CELSR1: variants seen among roughly 807,000 people sequenced by gnomAD.
The protein encoded by CELSR1 is cadherin EGF LAG seven-pass G-type receptor 1, also known as adhesion G protein-coupled receptor C1.
CELSR1 carries 110 observed loss-of-function variants against 249.1 expected under a neutral mutation model. The observed-to-expected ratio is 0.44, with a 90% confidence interval of 0.38 to 0.52. CELSR1 has a LOEUF of 0.52. CELSR1 is among the 20% of genes least tolerant of loss of function. The pLI is 0.00. For synonymous variants in CELSR1, 2,113 were observed against 1,900.0 expected (o/e 1.11, Z -2.92); for missense variants, 4,109 against 4,296.4 (o/e 0.96, Z 1.22).
chr22:46,462,022 C>T (rs1317570369), intron 2 of CELSR1, among the ~76,000 whole-genome samples: 1 of 152,236 alleles, frequency 6.6e-6, no homozygotes, highest in African/African-American at 2.4e-5. Context: ...GGGCCTGGTT[C>T]AGGCCTGCTC....
Position 46,441,285 on chromosome 22 carries a change from C to A in CELSR1, c.4184-1874G>T, listed in dbSNP as rs551106181. ...CCTGGAGCCCAGACCTCGCTGGAGT[C>A]CCCAGAGTGGGATGGCTCCACGATG... On this transcript the variant is annotated intron_variant, in intron 2 of 34. Transcript: ENST00000674500. This position sits in a 1 kb window ranked among gnomAD's most constrained non-coding sequence, Gnocchi z 6.1. 6.6e-6 allele frequency among the ~76,000 whole-genome samples: 1 copy of A among 152,118 alleles called. No homozygotes were observed. Among genetic ancestry groups the A allele is most frequent in the South Asian group, 2.1e-4 (1 of 4,812 alleles).
At chr22:46,494,403 C>T (rs575377470) in intron 1 of CELSR1, among the ~76,000 whole-genome samples, 21 of 152,358 alleles carry the variant, frequency 1.4e-4, no homozygotes, top group African/African-American at 4.8e-4. Flanking sequence ...TGGCACTGCA[C>T]TGAATCTACA....
In CELSR1 at chr22:46,433,446, T is replaced by C. The variant is rs772697790; in HGVS notation, c.4558A>G (p.Ser1520Gly). ...TTTTVAPKVP[S>G]GVSDGRWHSV... ...TGCCACCGCCCGTCACTCACACCAC[T>C]GGGAACCTTCGGTGCCACGGTCGTT... is the stretch of plus-strand genomic sequence containing the variant. The change falls in exon 5 of 35, where the codon AGT becomes GGT. Residue 1520 changes from serine (S) to glycine (G), a missense_variant. Ser to Gly is a moderately conservative substitution (Grantham distance 56). Transcript: ENST00000674500. The surrounding 1 kb of genome is among the most constrained non-coding windows in gnomAD (Gnocchi z 5.7). The C allele has an allele frequency of 7.2e-5, 117 of 1,613,872 alleles. No homozygotes were observed. Among genetic ancestry groups the C allele is most frequent in the Non-Finnish European group, 9.4e-5 (111 of 1,179,958 alleles).
At chr22:46,486,263 T>G in intron 1 of CELSR1, among the ~76,000 whole-genome samples, 1 of 150,300 alleles carries the variant, frequency 6.7e-6, no homozygotes, top group South Asian at 2.2e-4. Context: ...AAGTCATGCA[T>G]CAAGGCCGGG....
At position 46,421,458 on chromosome 22, in the gene CELSR1, G is replaced by A. The variant is rs568773446; in HGVS notation, c.4612-9699C>T. Among the ~76,000 whole-genome samples the A allele has an allele frequency of 2.0e-5, 3 of 152,318 alleles. No homozygotes were observed. In the South Asian group the frequency reaches 6.2e-4, roughly 32 times the overall value. On this transcript the variant is annotated intron_variant, in intron 5 of 34. Transcript: ENST00000674500. ...TTCTGTAACACAAAGGCCCAGGGTG[G>A]GGCGGCGCTTGCCTCCGAGAATCAC...
intron 1 of CELSR1, among the ~76,000 whole-genome samples, chr22:46,522,082 T>G (rs565971389): frequency 2.8e-4 from 42 of 152,268 alleles, no homozygotes; most frequent in Non-Finnish European, 4.0e-4. Flanking sequence ...TGGGGTTTTT[T>G]TGTGTGTGTG....
At position 46,398,745 on chromosome 22, in the gene CELSR1, T is replaced by C. The variant is rs1159822049; in HGVS notation, c.5413-108A>G. On this transcript the variant is annotated intron_variant, in intron 10 of 34. Coordinates refer to ENST00000674500, the MANE Select transcript of CELSR1 (RefSeq NM_001378328.1). This position sits in a 1 kb window ranked among gnomAD's most constrained non-coding sequence, Gnocchi z 7.2. ...AGTCTAAACAGTCACTTCAACAAAC[T>C]CCGCAGAGCCTGAGGACATCTGGGC... 3.7e-6 allele frequency: 3 copies of C among 811,034 alleles called. No homozygotes were observed. The highest frequency in any genetic ancestry group is 5.8e-6 in the Non-Finnish European group (3 of 521,320). 50.2% of individuals were successfully genotyped at this position (811,034 alleles called of 1,614,324 possible).
intron 2 of CELSR1, chr22:46,462,968 T>C: frequency 2.2e-6 from 1 of 462,472 alleles, no homozygotes. Context: ...ACCCAAATGA[T>C]TAATGGCTCA....
rs762971136 is a variant in CELSR1, at chr22:46,427,638, T to C, written c.4611+5755A>G. Among the ~76,000 whole-genome samples, 39 of 152,212 alleles carry C rather than the reference T, an allele frequency of 2.6e-4. No individual in the cohort carries two copies. Among genetic ancestry groups the C allele is most frequent in the Admixed American group, 1.0e-3 (16 of 15,282 alleles). On this transcript the variant is annotated intron_variant, in intron 5 of 34. Transcript: ENST00000674500. The surrounding 1 kb of genome is among the most constrained non-coding windows in gnomAD (Gnocchi z 4.2). ...CACCGCACAGAACCCCACCGCACTG[T>C]TGGCAATGGTTGTTGACGTTCCGCT...
intron 1 of CELSR1, among the ~76,000 whole-genome samples, chr22:46,465,615 C>A (rs545369783): frequency 5.3e-4 from 80 of 152,344 alleles, no homozygotes; most frequent in African/African-American, 1.9e-3. Context: ...GGAAACGGAA[C>A]AAGAGCAGCA....
Position 46,363,207 on chromosome 22 carries a change from T to A in CELSR1, c.*16A>T. 1 of 1,578,918 alleles carries A rather than the reference T, an allele frequency of 6.3e-7. No homozygotes were observed. ...GGTTTCCTGATGGTTCAAATTGAAG[T>A]TTCATTACTGATGGTTCAAATTGAA... On this transcript the variant is annotated 3_prime_UTR_variant, in exon 35 of 35. Coordinates refer to ENST00000674500, the MANE Select transcript of CELSR1 (RefSeq NM_001378328.1). This position sits in a 1 kb window ranked among gnomAD's most constrained non-coding sequence, Gnocchi z 4.3.
chr22:46,453,656 G>C (rs1037506240), intron 2 of CELSR1, among the ~76,000 whole-genome samples: 2 of 152,164 alleles, frequency 1.3e-5, no homozygotes, highest in African/African-American at 4.8e-5. Context: ...GACCGGAAGC[G>C]GGTGAGAGAG....
In CELSR1 at chr22:46,407,881, G is replaced by A. The variant is rs1049756665; in HGVS notation, c.5226+1115C>T. ...GGTCACAGCAGCTGGGTTTACAGGA[G>A]AGCGCCCGTGCCCCGCCATCACTAC... On this transcript the variant is annotated intron_variant, in intron 9 of 34. Coordinates refer to ENST00000674500, the MANE Select transcript of CELSR1 (RefSeq NM_001378328.1). This position sits in a 1 kb window ranked among gnomAD's most constrained non-coding sequence, Gnocchi z 4.8. Among the ~76,000 whole-genome samples the A allele has an allele frequency of 8.5e-5, 13 of 152,188 alleles. No individual in the cohort carries two copies. The highest frequency in any genetic ancestry group is 2.9e-4 in the African/African-American group (12 of 41,438).
At position 46,409,248 on chromosome 22, in the gene CELSR1, A is replaced by T. The variant is rs1022607981; in HGVS notation, c.5060-86T>A. The T allele has an allele frequency of 6.3e-6, 9 of 1,429,704 alleles. No individual in the cohort carries two copies. The highest frequency in any genetic ancestry group is 8.6e-6 in the Non-Finnish European group (9 of 1,041,928). 88.6% of individuals were successfully genotyped at this position (1,429,704 alleles called of 1,614,324 possible). On this transcript the variant is annotated intron_variant, in intron 8 of 34. Transcript: ENST00000674500. The surrounding 1 kb of genome is among the most constrained non-coding windows in gnomAD (Gnocchi z 9.8). ...CTGCAGGGGCGGGGGATGGGCCTGCAGGCTAGGCCTGGGCCTTTTTCACTT... is the reference window on the plus strand; with the variant it reads ...CTGCAGGGGCGGGGGATGGGCCTGCTGGCTAGGCCTGGGCCTTTTTCACTT...
rs139564949 is a variant in CELSR1 at position 46,396,132 on chromosome 22, C to T, written c.5843+473G>A. Among the ~76,000 whole-genome samples the T allele has an allele frequency of 1.5e-4, 23 of 152,274 alleles. No individual in the cohort carries two copies. The highest frequency in any genetic ancestry group is 3.9e-4 in the African/African-American group (16 of 41,550). Reference sequence around the variant, plus strand: ...TCCAAATTGATTCTCATTGCCCAAGCGTGGTGGCTCACACCCGTAATCCCA... The same window carrying T: ...TCCAAATTGATTCTCATTGCCCAAGTGTGGTGGCTCACACCCGTAATCCCA... On this transcript the variant is annotated intron_variant, in intron 13 of 34. Transcript: ENST00000674500. The surrounding 1 kb of genome is among the most constrained non-coding windows in gnomAD (Gnocchi z 6.4).
At chr22:46,485,481 G>A (rs3788715) in intron 1 of CELSR1, among the ~76,000 whole-genome samples, 47,056 of 152,102 alleles carry the variant, frequency 0.31, 8,600 homozygotes, top group East Asian at 0.56. Flanking sequence ...GGAGGCCCAT[G>A]TGCCTGGGAG....
At position 46,534,741 on chromosome 22, in the gene CELSR1, G is replaced by A. The variant is rs377555815; in HGVS notation, c.2430C>T (p.Thr810=). Residue 810 remains threonine, a synonymous_variant, in exon 1 of 35, where the codon ACC becomes ACT. Transcript: ENST00000674500. This position sits in a 1 kb window ranked among gnomAD's most constrained non-coding sequence, Gnocchi z 9.7. ...CTGTGTCCTCATCGTTGGCACTGAG[G>A]GTAGCAATGGAGGTGCCCACAGGCC... ...EDRPVGTSIA[T]LSANDEDTGE... The A allele has an allele frequency of 4.4e-5, 71 of 1,613,020 alleles. No individual in the cohort carries two copies. Among genetic ancestry groups the A allele is most frequent in the Non-Finnish European group, 5.5e-5 (65 of 1,180,040 alleles).
chr22:46,386,162 G>C (rs1158984351), intron 19 of CELSR1, among the ~76,000 whole-genome samples: 1 of 152,078 alleles, frequency 6.6e-6, no homozygotes, highest in Non-Finnish European at 1.5e-5. Context: ...TAGAGATGGG[G>C]TTTCACCATT....
At chr22:46,373,505 G>A (rs181439571) in intron 24 of CELSR1, among the ~76,000 whole-genome samples, 28 of 147,552 alleles carry the variant, frequency 1.9e-4, no homozygotes, top group Non-Finnish European at 2.7e-4. Context: ...GCAGCTTCAC[G>A]CCCAGCGCTC....
Sources: allele counts gnomAD v4.1 joint callset (sites outside exome capture counted in the v4.1 genomes callset), GRCh38; gene constraint gnomAD v4.1.1; non-coding constraint Gnocchi (gnomAD v3.1); transcripts MANE v1.5; gene names NCBI Gene and HGNC (gene_info 2026-07-23, HGNC 2026-07-21).